Variants in C1QTNF3 observed in about 807,000 individuals in gnomAD.
C1QTNF3 encodes C1q and TNF related 3, also known as complement C1q tumor necrosis factor-related protein 3.
Under a neutral mutation model 32.6 loss-of-function variants are expected in C1QTNF3, and 26 were observed. That is an observed-to-expected ratio of 0.80 (90% CI 0.58 to 1.11). C1QTNF3 has a LOEUF of 1.11. C1QTNF3 is among the 50% of genes least tolerant of loss of function. The pLI is 0.00. For missense variants in C1QTNF3, 362 were observed against 398.2 expected, an observed-to-expected ratio of 0.91 and a Z score of 0.77; for synonymous variants, 155 against 146.0, an observed-to-expected ratio of 1.06 and a Z score of -0.44.
At chr5:34,113,401 T>C in the C1QTNF3 span, among the ~76,000 whole-genome samples, 1 of 151,158 alleles carries the variant, frequency 6.6e-6, no homozygotes, top group Non-Finnish European at 1.5e-5. Flanking sequence ...AAGATTTTGA[T>C]ACTAACCACT....
chr5:34,074,223 A>C, the C1QTNF3 span, among the ~76,000 whole-genome samples: 2 of 149,320 alleles, frequency 1.3e-5, no homozygotes, highest in Non-Finnish European at 2.9e-5. Flanking sequence ...TCTACAAGAA[A>C]GATAAGAGCA....
chr5:34,212,969 G>T, the C1QTNF3 span, among the ~76,000 whole-genome samples: 2 of 152,004 alleles, frequency 1.3e-5, no homozygotes, highest in Non-Finnish European at 2.9e-5. Flanking sequence ...TGTTTATTGC[G>T]GCACTATTCA....
At chr5:34,022,773 C>A (rs1317570588) in intron 5 of C1QTNF3, among the ~76,000 whole-genome samples, 3 of 152,208 alleles carry the variant, frequency 2.0e-5, no homozygotes. Flanking sequence ...CAACAGCAAG[C>A]TTTTCTCCTT....
the C1QTNF3 span, among the ~76,000 whole-genome samples, chr5:34,212,885 C>A: frequency 6.6e-6 from 1 of 151,202 alleles, no homozygotes; most frequent in African/African-American, 2.4e-5. Flanking sequence ...TACCATTTGA[C>A]CCAGCCATCC....
the C1QTNF3 span, among the ~76,000 whole-genome samples, chr5:34,074,816 T>C: frequency 2.6e-5 from 4 of 151,236 alleles, no homozygotes; most frequent in African/African-American, 7.4e-5. Flanking sequence ...GTTCGAGATA[T>C]TGAAAAAGAG....
the C1QTNF3 span, among the ~76,000 whole-genome samples, chr5:34,056,369 A>G: frequency 6.7e-6 from 1 of 148,950 alleles, no homozygotes; most frequent in Admixed American, 6.7e-5. Flanking sequence ...TTTTGTCTCT[A>G]AGAATCATAC....
chr5:34,079,614 T>A, the C1QTNF3 span, among the ~76,000 whole-genome samples: 1 of 151,726 alleles, frequency 6.6e-6, no homozygotes, highest in Non-Finnish European at 1.5e-5. Context: ...AAAAAATAAG[T>A]AAATCCTGCC....
Position 34,042,895 on chromosome 5 carries a change from T to C in C1QTNF3, c.231A>G (p.Lys77=), listed in dbSNP as rs199873478. 5.0e-6 allele frequency: 8 copies of C among 1,614,112 alleles called. No individual in the cohort carries two copies. Among genetic ancestry groups the C allele is most frequent in the Non-Finnish European group, 6.8e-6 (8 of 1,180,004 alleles). The change falls in exon 1 of 6, where the codon AAA becomes AAG. Residue 77 remains lysine, a synonymous_variant. Coordinates refer to ENST00000382065, the MANE Select transcript of C1QTNF3 (RefSeq NM_181435.6). ...GCGGTAGCTCATCTGGTCTCAGGGATTTTAGGTCTGTAGAAGTGTTATTAT... is the reference window on the plus strand; with the variant it reads ...GCGGTAGCTCATCTGGTCTCAGGGACTTTAGGTCTGTAGAAGTGTTATTAT... ...TVDNNTSTDL[K]SLRPDELPHP... is the part of the protein sequence containing the mutation.
At chr5:34,053,627 G>A in the C1QTNF3 span, among the ~76,000 whole-genome samples, 3 of 152,232 alleles carry the variant, frequency 2.0e-5, no homozygotes, top group Admixed American at 6.5e-5. Flanking sequence ...AAGGACACCT[G>A]TGTGATGAGC....
the C1QTNF3 span, among the ~76,000 whole-genome samples, chr5:34,213,786 C>T: frequency 9.5e-3 from 147 of 15,432 alleles, 1 homozygote; most frequent in East Asian, 0.015. Flanking sequence ...TGTATATATA[C>T]ATATATATAT....
the C1QTNF3 span, among the ~76,000 whole-genome samples, chr5:34,064,080 G>A: frequency 6.6e-6 from 1 of 152,148 alleles, no homozygotes; most frequent in African/African-American, 2.4e-5. Context: ...GCAGACCAAT[G>A]CTCGCAACCC....
the C1QTNF3 span, chr5:34,200,602 T>C: frequency 6.6e-6 from 1 of 152,248 alleles, no homozygotes; most frequent in African/African-American, 2.4e-5. Context: ...TTCAATACCA[T>C]AATCATTAAA....
At chr5:34,172,805 T>A in the C1QTNF3 span, among the ~76,000 whole-genome samples, 4 of 152,192 alleles carry the variant, frequency 2.6e-5, no homozygotes, top group South Asian at 4.1e-4. Context: ...TCTTTTAATA[T>A]CTTAAAATTT....
the C1QTNF3 span, among the ~76,000 whole-genome samples, chr5:34,156,980 T>C: frequency 6.6e-6 from 1 of 152,226 alleles, no homozygotes; most frequent in Non-Finnish European, 1.5e-5. Flanking sequence ...GTTGTTGATT[T>C]CCTCTCCAAA....
At chr5:34,157,580 T>C in the C1QTNF3 span, among the ~76,000 whole-genome samples, 1 of 152,180 alleles carries the variant, frequency 6.6e-6, no homozygotes, top group South Asian at 2.1e-4. Context: ...ATATAGTCCA[T>C]GGGTTCTTAA....
At chr5:34,195,693 T>C in the C1QTNF3 span, among the ~76,000 whole-genome samples, 6 of 152,332 alleles carry the variant, frequency 3.9e-5, no homozygotes, top group African/African-American at 7.2e-5. Flanking sequence ...TACAAAAAAT[T>C]AGCCGGGCGC....
At chr5:34,039,695 A>G (rs1754821042) in intron 1 of C1QTNF3, among the ~76,000 whole-genome samples, 1 of 152,208 alleles carries the variant, frequency 6.6e-6, no homozygotes, top group Non-Finnish European at 1.5e-5. Flanking sequence ...TCTTCAGAGG[A>G]TGAAACAAGA....
the C1QTNF3 span, among the ~76,000 whole-genome samples, chr5:34,092,336 C>T: frequency 6.6e-6 from 1 of 151,766 alleles, no homozygotes; most frequent in Non-Finnish European, 1.5e-5. Context: ...GGATGCTACT[C>T]AAATTTTACA....
chr5:34,089,440 G>A, the C1QTNF3 span, among the ~76,000 whole-genome samples: 1 of 152,082 alleles, frequency 6.6e-6, no homozygotes, highest in Non-Finnish European at 1.5e-5. Flanking sequence ...AATGGAATTG[G>A]TGCTCTTATA....
Sources: gnomAD v4.1 joint callset for allele counts (sites outside exome capture counted in the v4.1 genomes callset) on GRCh38, gnomAD v4.1.1 for gene constraint, MANE v1.5 for transcripts, NCBI Gene and HGNC (gene_info 2026-07-23, HGNC 2026-07-21) for gene names.